Variants in CEP152 observed in about 807,000 individuals in gnomAD.
CEP152 encodes centrosomal protein of 152 kDa.
In CEP152, 132 loss-of-function variants were observed where a neutral mutation model predicts 188.9. The observed-to-expected ratio is 0.70, with a 90% CI of 0.61 to 0.81. CEP152 has a LOEUF of 0.81. CEP152 is among the 30% of genes least tolerant of loss of function. The pLI is 0.00. For missense variants in CEP152, 1,914 were observed against 1,969.8 expected (o/e 0.97, Z 0.54); for synonymous variants, 649 against 666.6 (o/e 0.97, Z 0.41).
In CEP152 at chr15:48,738,562, T is replaced by G. The variant is rs376972744; in HGVS notation, c.4820A>C (p.Lys1607Thr). 3 of 1,614,074 alleles carry G rather than the reference T, an allele frequency of 1.9e-6. No homozygotes were observed. The highest frequency in any genetic ancestry group is 1.3e-5 in the African/African-American group (1 of 74,938). Residue 1607 changes from lysine to threonine, a missense_variant, in exon 27 of 27, where the codon AAA (lysine) becomes ACA (threonine). Physicochemically the swap from Lys to Thr is moderately conservative, Grantham distance 78. Coordinates refer to ENST00000380950, the MANE Select transcript of CEP152 (RefSeq NM_001194998.2). ...GTLEIPSESV[K>T]SKQFSPSGYL... The stretch of plus-strand genomic sequence containing the variant: ...ACCGGATGGTGAAAACTGTTTGGAT[T>G]TAACAGATTCACTTGGTATTTCCAA...
intron 1 of CEP152, chr15:48,810,753 T>G: frequency 6.6e-6 from 1 of 152,364 alleles, no homozygotes; most frequent in Admixed American, 6.5e-5. Context: ...GCTTCCCATA[T>G]GTCACTTCTA....
Position 48,782,245 on chromosome 15 carries a change from AC to A in CEP152, c.1322-16del, listed in dbSNP as rs1567013357. ...TTGTACTGACCCTGCAGAGGAAAGA[AC>A]CATAGGATATACTGAAAAAATTAAG... On this transcript the variant is annotated splice_polypyrimidine_tract_variant and intron_variant, in intron 10 of 26. Coordinates refer to ENST00000380950, the MANE Select transcript of CEP152 (RefSeq NM_001194998.2). The A allele has an allele frequency of 6.2e-7, 1 of 1,611,330 alleles. No individual in the cohort carries two copies. Among genetic ancestry groups the A allele is most frequent in the African/African-American group, 1.3e-5 (1 of 74,876 alleles).
intron 1 of CEP152, among the ~76,000 whole-genome samples, chr15:48,808,966 C>CT (rs1898167493): frequency 2.0e-5 from 3 of 152,108 alleles, no homozygotes; most frequent in Admixed American, 6.5e-5. Flanking sequence ...ATAACTTTTT[C>CT]TGAACCCTTA....
intron 8 of CEP152, among the ~76,000 whole-genome samples, chr15:48,790,278 T>G (rs919461830): frequency 1.3e-5 from 2 of 152,128 alleles, no homozygotes; most frequent in African/African-American, 4.8e-5. Flanking sequence ...TCTTACTACT[T>G]TCTAGTGGGA....
Position 48,738,623 on chromosome 15 carries a change from C to T in CEP152, c.4759G>A (p.Glu1587Lys), listed in dbSNP as rs901542100. The change falls in exon 27 of 27, where the codon GAA becomes AAA. Residue 1587 changes from glutamate to lysine, a missense_variant. By Grantham distance (56) the Glu-to-Lys change is moderately conservative. Transcript: ENST00000380950. ...GGCCTACCATGTACAAATGATGCTT[C>T]ACGACTGTCAAAGGATAAGGTTGCA... ...SSATLSFDSREASFVHGRPQG... is the reference protein window; with the variant it reads ...SSATLSFDSRKASFVHGRPQG... The T allele has an allele frequency of 1.9e-6, 3 of 1,614,182 alleles. No individual in the cohort carries two copies. Among genetic ancestry groups the T allele is most frequent in the Non-Finnish European group, 2.5e-6 (3 of 1,180,016 alleles).
At chr15:48,763,656 G>C (rs1233585741) in intron 17 of CEP152, among the ~76,000 whole-genome samples, 1 of 152,086 alleles carries the variant, frequency 6.6e-6, no homozygotes. Context: ...CCTGGAGACA[G>C]AGCGAGGCTC....
chr15:48,763,109 T>C (rs1484672325), intron 17 of CEP152, among the ~76,000 whole-genome samples: 1 of 152,236 alleles, frequency 6.6e-6, no homozygotes, highest in East Asian at 1.9e-4. Context: ...TTTTACTCAC[T>C]TGAACACATT....
rs561895420 is a variant in CEP152 at position 48,757,795 on chromosome 15, C to T, written c.2695-1242G>A. 1.4e-4 allele frequency among the ~76,000 whole-genome samples: 22 copies of T among 152,284 alleles called. No homozygotes were observed. In the South Asian group the frequency reaches 3.9e-3, roughly 27 times the overall value. On this transcript the variant is annotated intron_variant, in intron 19 of 26. Coordinates refer to ENST00000380950, the MANE Select transcript of CEP152 (RefSeq NM_001194998.2). Reference sequence around the variant, plus strand: ...AATTCACTGCAAAATTCCTTTGCTACCAGCAGAATAATTCAGTAGTGATTT... The same window carrying T: ...AATTCACTGCAAAATTCCTTTGCTATCAGCAGAATAATTCAGTAGTGATTT...
In CEP152 at chr15:48,756,356, C is replaced by T. The variant is rs1400830589; in HGVS notation, c.2892G>A (p.Lys964=). 6.3e-7 allele frequency: 1 copy of T among 1,576,124 alleles called. No homozygotes were observed. The highest frequency in any genetic ancestry group is 8.6e-7 in the Non-Finnish European group (1 of 1,164,898). The change falls in exon 20 of 27, where the codon AAG becomes AAA. Residue 964 remains lysine (K), a synonymous_variant. Transcript: ENST00000380950. ...CTTGGATTCTGTGGATTTCTTCTTG[C>T]TTTTCTTTGTTCCATTCACTCCGAG... ...AKARSEWNKE[K]QEEIHRIQEQ... is the part of the protein sequence containing the mutation.
chr15:48,751,579 T>C (rs568276015), intron 21 of CEP152, among the ~76,000 whole-genome samples: 2 of 152,346 alleles, frequency 1.3e-5, no homozygotes, highest in African/African-American at 4.8e-5. Flanking sequence ...TAGGTATGAC[T>C]GGCCTTGGCA....
chr15:48,742,367 C>A (rs1307891809), intron 24 of CEP152, among the ~76,000 whole-genome samples: 1 of 152,068 alleles, frequency 6.6e-6, no homozygotes, highest in Non-Finnish European at 1.5e-5. Flanking sequence ...TAAATTTTGT[C>A]ATATTCTAAA....
At chr15:48,746,525 A>C (rs1172468592) in intron 22 of CEP152, among the ~76,000 whole-genome samples, 1 of 152,172 alleles carries the variant, frequency 6.6e-6, no homozygotes, top group Non-Finnish European at 1.5e-5. Flanking sequence ...CAGTTGTTAA[A>C]TTTTTAATCT....
chr15:48,757,033 G>C (rs1894330588), intron 19 of CEP152, among the ~76,000 whole-genome samples: 2 of 152,112 alleles, frequency 1.3e-5, no homozygotes, highest in Admixed American at 6.6e-5. Flanking sequence ...TTCATTAAAG[G>C]ACAATACCAA....
chr15:48,777,895 T>C (rs1896021782), intron 12 of CEP152, among the ~76,000 whole-genome samples: 1 of 152,134 alleles, frequency 6.6e-6, no homozygotes. Context: ...CTTGCTAAAA[T>C]AATTTTCTCT....
chr15:48,796,638 GAAAA>G (rs1897318951), intron 5 of CEP152, among the ~76,000 whole-genome samples: 3 of 152,090 alleles, frequency 2.0e-5, no homozygotes, highest in Non-Finnish European at 4.4e-5. Flanking sequence ...AGAATTAAGA[GAAAA>G]TAACCACTTA....
chr15:48,805,060 C>T (rs190797557), intron 2 of CEP152, among the ~76,000 whole-genome samples: 11 of 152,322 alleles, frequency 7.2e-5, no homozygotes, highest in African/African-American at 2.6e-4. Context: ...ACAGACCCTC[C>T]CTCACCACCC....
chr15:48,741,091 T>C (rs1262857535), intron 26 of CEP152: 25 of 1,000,088 alleles, frequency 2.5e-5, no homozygotes, highest in Non-Finnish European at 3.0e-5. Flanking sequence ...CTTCTTTCTC[T>C]CAGGGATTTC....
At position 48,798,139 on chromosome 15, in the gene CEP152, G is replaced by A. The variant is rs144668214; in HGVS notation, c.88-88C>T. Reference sequence around the variant, plus strand: ...GCCTTGGAACGAGTGGTTTTTTACTGTAGAGGTCAAAGAAGTTCATAATTC... The same window carrying A: ...GCCTTGGAACGAGTGGTTTTTTACTATAGAGGTCAAAGAAGTTCATAATTC... On this transcript the variant is annotated intron_variant, in intron 2 of 26. Transcript: ENST00000380950. 4.1e-4 allele frequency: 396 copies of A among 967,580 alleles called. No individual in the cohort carries two copies. The African/African-American group carries it at 5.9e-3, about 14-fold the overall frequency. 59.9% of individuals were successfully genotyped at this position (967,580 alleles called of 1,614,324 possible).
In CEP152 at chr15:48,762,544, A is replaced by G. The variant is rs1595628042; in HGVS notation, c.2409T>C (p.Val803=). Reference sequence around the variant, plus strand: ...TAATTGCCATCTCTTTCTTGGAAATAACATCACTGGTGGTTACTTGGTCAG... The same window carrying G: ...TAATTGCCATCTCTTTCTTGGAAATGACATCACTGGTGGTTACTTGGTCAG... ...SQTDQVTTSD[V]ISKKEMAIMI... The change falls in exon 18 of 27, where the codon GTT becomes GTC. Residue 803 remains valine, a synonymous_variant. Transcript: ENST00000380950. 3 of 1,614,068 alleles carry G rather than the reference A, an allele frequency of 1.9e-6. No homozygotes were observed. Among genetic ancestry groups the G allele is most frequent in the Non-Finnish European group, 2.5e-6 (3 of 1,179,986 alleles).
Sources: allele counts gnomAD v4.1 joint callset (sites outside exome capture counted in the v4.1 genomes callset), GRCh38; gene constraint gnomAD v4.1.1; transcripts MANE v1.5; gene names NCBI Gene and HGNC (gene_info 2026-07-23, HGNC 2026-07-21).